Variants in CHTF18 observed in about 807,000 individuals in gnomAD.
The protein encoded by CHTF18 is chromosome transmission fidelity factor 18.
Under a neutral mutation model 113.4 loss-of-function variants are expected in CHTF18, and 151 were observed. That is an observed-to-expected ratio of 1.33 (90% CI 1.17 to 1.52). The LOEUF (loss-of-function observed/expected upper bound fraction) is 1.52. CHTF18 is among the 40% of genes most tolerant of loss of function. CHTF18 has a pLI of 0.00. For synonymous variants in CHTF18, 916 were observed against 598.8 expected (o/e 1.53, Z -7.74); for missense variants, 1,982 against 1,381.6 (o/e 1.43, Z -6.89).
At chr16:789,849 G>A (rs1861104706) in intron 4 of CHTF18, 134 bp downstream of exon 4, 20 of 1,315,914 alleles carry the variant, frequency 1.5e-5, no homozygotes, top group Non-Finnish European at 2.0e-5. Context: ...GGGGGAGGCT[G>A]CGTCATGGGG....
Position 795,775 on chromosome 16 carries a change from G to A in CHTF18, c.2266G>A (p.Ala756Thr). Residue 756 changes from alanine to threonine, a missense_variant, in exon 17 of 22, where the codon GCC becomes ACC. Coordinates refer to ENST00000262315, the MANE Select transcript of CHTF18 (RefSeq NM_022092.3). ...PATRSRATPQ[A>T]LLLDALCLLL... The stretch of plus-strand genomic sequence containing the variant: ...CACGCGCAGCCGGGCCACGCCCCAG[G>A]CCCTGCTCCTCGATGCCCTCTGCCT... The A allele has an allele frequency of 1.9e-6, 3 of 1,609,706 alleles. No individual in the cohort carries two copies. The highest frequency in any genetic ancestry group is 2.5e-6 in the Non-Finnish European group (3 of 1,178,928).
In CHTF18 at chr16:795,899, A is replaced by G. The variant is rs758954885; in HGVS notation, c.2326-48A>G. 12 of 1,602,874 alleles carry G rather than the reference A, an allele frequency of 7.5e-6. 1 individual carries two copies. Among genetic ancestry groups the G allele is most frequent in the East Asian group, 4.5e-5 (2 of 44,566 alleles). On this transcript the variant is annotated intron_variant, in intron 17 of 21. Transcript: ENST00000262315. Reference sequence around the variant, plus strand: ...GCCCTCCTGTCCTAGGTGAGCACACATTTGTACAGCCTGCTCAGCTCCCTG... The same window carrying G: ...GCCCTCCTGTCCTAGGTGAGCACACGTTTGTACAGCCTGCTCAGCTCCCTG...
In CHTF18 at chr16:793,290, A is replaced by G. The variant is rs1485951854; in HGVS notation, c.1802+16A>G. 9 of 1,604,922 alleles carry G rather than the reference A, an allele frequency of 5.6e-6. No homozygotes were observed. The highest frequency in any genetic ancestry group is 6.8e-6 in the Non-Finnish European group (8 of 1,177,640). ...GAGCCCAGAGGTAGGCGGTGGCCAC[A>G]GCCTCGGCCCAGATGCTCACGGTGC... On this transcript the variant is annotated intron_variant, in intron 14 of 21. Transcript: ENST00000262315.
At chr16:792,109 C>T (rs1337996097) in intron 9 of CHTF18, 115 bp from the exon 10 acceptor site, 34 of 1,525,866 alleles carry the variant, frequency 2.2e-5, no homozygotes, top group Non-Finnish European at 2.6e-5. Context: ...TTCACGGGAT[C>T]GGCAGCAGCC....
In CHTF18 at chr16:793,115, C is replaced by T. The variant is rs112901787; in HGVS notation, c.1672-29C>T. The T allele has an allele frequency of 6.3e-5, 100 of 1,575,930 alleles. 1 individual carries two copies. The African/African-American group carries it at 1.1e-3, about 17-fold the overall frequency. ...GGGTGGGGTGGGGTCAGGAGTTGGC[C>T]GCTTCTCATGCCCCCGCCCTATGTC... On this transcript the variant is annotated intron_variant, in intron 13 of 21. Transcript: ENST00000262315.
rs920732588 is a variant in CHTF18, at chr16:790,895, C to T, written c.894+229C>T. The T allele has an allele frequency of 4.0e-5, 58 of 1,432,726 alleles. 1 individual carries two copies. In the Middle Eastern group the frequency reaches 1.3e-3, roughly 32 times the overall value. 88.8% of individuals were successfully genotyped at this position (1,432,726 alleles called of 1,614,324 possible). On this transcript the variant is annotated intron_variant, in intron 7 of 21. Transcript: ENST00000262315. Reference sequence around the variant, plus strand: ...GTCCAGGGTGTCACCTGATCCAAGTCTCTGTTCCCTTTCCTACCTTCACAG... The same window carrying T: ...GTCCAGGGTGTCACCTGATCCAAGTTTCTGTTCCCTTTCCTACCTTCACAG...
rs1325360391 is a variant in CHTF18, at chr16:797,966, C to G, written c.2919C>G (p.Asp973Glu). The G allele has an allele frequency of 6.2e-7, 1 of 1,611,408 alleles. No homozygotes were observed. Among genetic ancestry groups the G allele is most frequent in the African/African-American group, 1.3e-5 (1 of 74,932 alleles). ...TGCGGCGCAGCCTGTACATCAGGGA[C>G]TTGCTCTAGTTCTCTGAGCCGCGGA... ...NAVRRSLYIR[D>E]LL The change falls in exon 22 of 22, where the codon GAC becomes GAG. Residue 973 changes from aspartate (D) to glutamate (E), a missense_variant. Physicochemically the swap from Asp to Glu is conservative, Grantham distance 45 (BLOSUM62 2). Transcript: ENST00000262315.
chr16:797,140 G>C (rs1352811711), intron 20 of CHTF18, 48 bp downstream of exon 20: 2 of 1,471,340 alleles, frequency 1.4e-6, no homozygotes, highest in East Asian at 4.8e-5. Context: ...CATACCTTTG[G>C]GGGTGTGGCT....
intron 20 of CHTF18, among the ~76,000 whole-genome samples, chr16:797,356 G>T (rs2042380835): frequency 6.6e-6 from 1 of 152,064 alleles, no homozygotes; most frequent in Non-Finnish European, 1.5e-5. Flanking sequence ...GTGGGGCTGA[G>T]CCACAGGAGG....
chr16:797,279 C>T (rs1001691972), intron 20 of CHTF18, among the ~76,000 whole-genome samples, 187 bp downstream of exon 20: 11 of 89,696 alleles, frequency 1.2e-4, no homozygotes, highest in Non-Finnish European at 1.3e-4. Flanking sequence ...AGTCATGAGG[C>T]GGGGCCAGGG....
At chr16:793,956 T>G in intron 14 of CHTF18, 98 bp from the exon 15 acceptor site, 2 of 1,368,374 alleles carry the variant, frequency 1.5e-6, no homozygotes, top group South Asian at 2.6e-5. Flanking sequence ...ATGAAGTGGG[T>G]GGCAGCTCTG....
intron 9 of CHTF18, 75 bp downstream of exon 9, chr16:792,023 C>T (rs767115059): frequency 2.3e-5 from 36 of 1,552,318 alleles, no homozygotes; most frequent in Admixed American, 3.9e-5. Context: ...GACCTGAAAC[C>T]GGGTGTGGAT....
At position 796,026 on chromosome 16, in the gene CHTF18, C is replaced by T. The variant is rs760850901; in HGVS notation, c.2405C>T (p.Thr802Ile). The change falls in exon 18 of 22, where the codon ACC (threonine) becomes ATC (isoleucine). Residue 802 changes from threonine to isoleucine, a missense_variant. By Grantham distance (89) the Thr-to-Ile change is moderately conservative. Coordinates refer to ENST00000262315, the MANE Select transcript of CHTF18 (RefSeq NM_022092.3). ...LVGTMLAYSL[T>I]YRQERTPDGQ... ...GGCACGATGCTCGCTTACAGCCTGACCTACCGCCAGGAGCGCACGCCCGAT... is the reference window on the plus strand; with the variant it reads ...GGCACGATGCTCGCTTACAGCCTGATCTACCGCCAGGAGCGCACGCCCGAT... 6.2e-6 allele frequency: 10 copies of T among 1,606,360 alleles called. No homozygotes were observed. The highest frequency in any genetic ancestry group is 1.1e-5 in the South Asian group (1 of 89,694).
chr16:788,716 T>C lies in CHTF18; in HGVS notation c.32T>C (p.Val11Ala), dbSNP rs2042065416. Residue 11 changes from valine to alanine, a missense_variant, in exon 1 of 22, where the codon GTC becomes GCC. Val to Ala is a moderately conservative substitution (Grantham distance 64). Coordinates refer to ENST00000262315, the MANE Select transcript of CHTF18 (RefSeq NM_022092.3). Reference sequence around the variant, plus strand: ...GACTACGAGCAGGAGCTGTGCGGCGTCGAGGATGATTTCCACAACCAGTTC... The same window carrying C: ...GACTACGAGCAGGAGCTGTGCGGCGCCGAGGATGATTTCCACAACCAGTTC... MEDYEQELCGVEDDFHNQFAA... is the reference protein window; with the variant it reads MEDYEQELCGAEDDFHNQFAA... The C allele has an allele frequency of 1.2e-6, 2 of 1,601,598 alleles. No individual in the cohort carries two copies. The highest frequency in any genetic ancestry group is 1.7e-5 in the Admixed American group (1 of 58,806).
At position 790,511 on chromosome 16, in the gene CHTF18, G is replaced by T; in HGVS notation, c.753-14G>T. ...CTGCGAGTTGTTTGTGGCTCAGGAC[G>T]TGGTCCTCTCCAGTCTCAGGTCGGG... On this transcript the variant is annotated splice_polypyrimidine_tract_variant and intron_variant, in intron 6 of 21. Coordinates refer to ENST00000262315, the MANE Select transcript of CHTF18 (RefSeq NM_022092.3). 6.2e-7 allele frequency: 1 copy of T among 1,604,010 alleles called. No homozygotes were observed. The highest frequency in any genetic ancestry group is 8.5e-7 in the Non-Finnish European group (1 of 1,176,046).
At chr16:795,041 AGTGGAGGGTCTGTGGCGGGAG>A (rs1171116298) in intron 15 of CHTF18, 70 bp from the exon 16 acceptor site, 9 of 1,031,082 alleles carry the variant, frequency 8.7e-6, no homozygotes, top group South Asian at 3.1e-5. Flanking sequence ...GGCAGGCAGG[AGTGGAGGGTCTGTGGCGGGAG>A]GTGGAGGGTC....
chr16:790,444 T>TG (rs2042164263), intron 6 of CHTF18, 45 bp downstream of exon 6: 1 of 1,611,466 alleles, frequency 6.2e-7, no homozygotes, highest in East Asian at 2.2e-5. Flanking sequence ...TGTTGGCTCT[T>TG]GCACCAACTC....
rs1374932321 is a variant in CHTF18, at chr16:791,854, G to A, written c.1108G>A (p.Ala370Thr). ...CCTTCATCTACCTGGGCTGCAGGTG[G>A]CACTGCTCTGTGGGCCCCCGGGGCT... is the stretch of plus-strand genomic sequence containing the variant. ...DPSQRPKQKVALLCGPPGLGK... is the reference protein window; with the variant it reads ...DPSQRPKQKVTLLCGPPGLGK... The change falls in exon 9 of 22, where the codon GCA becomes ACA. Residue 370 changes from alanine to threonine, a missense_variant. Transcript: ENST00000262315. The A allele has an allele frequency of 2.5e-6, 4 of 1,603,312 alleles. No homozygotes were observed. The African/African-American group carries it at 4.0e-5, about 16-fold the overall frequency.
In CHTF18 at chr16:790,409, T is replaced by C. The variant is rs3765264; in HGVS notation, c.752+10T>C. ...CAGACACCCTGCACAGGTGACTTGG[T>C]TGGCCCTTCCGCCCTGGGGACCCTT... On this transcript the variant is annotated intron_variant, in intron 6 of 21. Coordinates refer to ENST00000262315, the MANE Select transcript of CHTF18 (RefSeq NM_022092.3). The C allele has an allele frequency of 0.17, 281,779 of 1,611,562 alleles. 25,595 individuals are homozygous for C. The highest frequency in any genetic ancestry group is 0.26 in the East Asian group (11,865 of 44,818).
Sources: gnomAD v4.1 joint callset for allele counts (sites outside exome capture counted in the v4.1 genomes callset) on GRCh38, gnomAD v4.1.1 for gene constraint, MANE v1.5 for transcripts, NCBI Gene and HGNC (gene_info 2026-07-23, HGNC 2026-07-21) for gene names.